DNAJC19: variants seen among roughly 807,000 people sequenced by gnomAD.
DNAJC19 encodes the protein DnaJ heat shock protein family (Hsp40) member C19, also known as mitochondrial import inner membrane translocase subunit TIM14.
Under a neutral mutation model 19.8 loss-of-function variants are expected in DNAJC19, and 15 were observed. The observed-to-expected ratio is 0.76, with a 90% CI of 0.51 to 1.17. DNAJC19 has a LOEUF of 1.17. Ranked by LOEUF, DNAJC19 falls within the 50% of genes most tolerant of loss-of-function variation. The pLI is 0.00. For missense variants in DNAJC19, 105 were observed against 140.9 expected (o/e 0.75, Z 1.29); for synonymous variants, 38 against 42.1 (o/e 0.90, Z 0.38).
rs781284254 is a variant in DNAJC19 at position 180,987,010 on chromosome 3, C to T, written c.142G>A (p.Gly48Ser). The T allele has an allele frequency of 2.5e-6, 4 of 1,613,790 alleles. No homozygotes were observed. Among genetic ancestry groups the T allele is most frequent in the South Asian group, 1.1e-5 (1 of 91,072 alleles). The change falls in exon 4 of 6, where the codon GGC becomes AGC. Residue 48 changes from glycine (G) to serine (S), a missense_variant. Physicochemically the swap from Gly to Ser is moderately conservative, Grantham distance 56. Transcript: ENST00000382564. ...QSLPKSAFSG[G>S]YYRGGFEPKM... ...GGTTCAAACCCACCTCTATAATAGCCACCACTGAAGGCCTGAAAGAAGAAA... is the reference window on the plus strand; with the variant it reads ...GGTTCAAACCCACCTCTATAATAGCTACCACTGAAGGCCTGAAAGAAGAAA...
In DNAJC19 at chr3:180,985,932, C is replaced by G. The variant is rs1159800279; in HGVS notation, c.274G>C (p.Asp92His). ...GAATTTAATGACTACTTACCTTTGT[C>G]AGGATGATTTAAAAGCATAATTCGT... ...HRRIMLLNHP[D>H]KGGSPYIAAK... is the part of the protein sequence containing the mutation. Residue 92 changes from aspartate (D) to histidine (H), a missense_variant, in exon 5 of 6, where the codon GAC (aspartate) becomes CAC (histidine). Coordinates refer to ENST00000382564, the MANE Select transcript of DNAJC19 (RefSeq NM_145261.4). The G allele has an allele frequency of 6.2e-7, 1 of 1,613,176 alleles. No homozygotes were observed. Among genetic ancestry groups the G allele is most frequent in the Non-Finnish European group, 8.5e-7 (1 of 1,179,550 alleles).
intron 4 of DNAJC19, among the ~76,000 whole-genome samples, 182 bp from the exon 5 acceptor site, chr3:180,986,178 G>C (rs1714896107): frequency 6.6e-6 from 1 of 152,030 alleles, no homozygotes; most frequent in South Asian, 2.1e-4. Flanking sequence ...ACTTAGAAAA[G>C]TAAGGCACTC....
At position 180,988,517 on chromosome 3, in the gene DNAJC19, T is replaced by C. The variant is rs560529710; in HGVS notation, c.4-288A>G. On this transcript the variant is annotated intron_variant, in intron 1 of 5. Transcript: ENST00000382564. ...AGAAACAACTTTTAAGGCGGAAATA[T>C]TCTGTCCAGTAATCTTTAAAACTAC... is the stretch of plus-strand genomic sequence containing the variant. 9.6e-4 allele frequency among the ~76,000 whole-genome samples: 146 copies of C among 152,174 alleles called. 1 individual carries two copies. The highest frequency in any genetic ancestry group is 1.0e-3 in the South Asian group (5 of 4,820).
chr3:180,985,812 G>T, intron 5 of DNAJC19, 114 bp downstream of exon 5: 1 of 891,328 alleles, frequency 1.1e-6, no homozygotes, highest in Non-Finnish European at 1.8e-6. Context: ...TAGGAGACAG[G>T]ACTTACAGAT....
rs1035336239 is a variant in DNAJC19 at position 180,984,057 on chromosome 3, T to G, written c.*583A>C. ...CTCTGAAATCTTTATCATACTATTT[T>G]TAATGCATGAAATAAAAATGGTTTA... On this transcript the variant is annotated 3_prime_UTR_variant, in exon 6 of 6. Transcript: ENST00000382564. 4 of 453,910 alleles carry G rather than the reference T, an allele frequency of 8.8e-6. No homozygotes were observed. Among genetic ancestry groups the G allele is most frequent in the African/African-American group, 8.0e-5 (4 of 49,970 alleles). The allele number at this position is 453,910 out of a possible 1,614,324, so 28.1% of individuals were successfully genotyped here.
intron 1 of DNAJC19, 113 bp from the exon 2 acceptor site, chr3:180,988,342 CTTTTTTTTTTCTTTTTTTT>C: frequency 1.1e-6 from 1 of 900,210 alleles, no homozygotes. Context: ...GGAGAAACAA[CTTTTTTTTTTCTTTTTTTT>C]TTTTTTTTTT....
In DNAJC19 at chr3:180,988,105, A is replaced by G; in HGVS notation, c.56-9T>C. 6.2e-7 allele frequency: 1 copy of G among 1,614,194 alleles called. No homozygotes were observed. ...TTGCAAAACGTAACGGCCTAAAACC[A>G]AAAGCAACAGAATAAGTAAACTAAA... On this transcript the variant is annotated splice_polypyrimidine_tract_variant and intron_variant, in intron 2 of 5. Coordinates refer to ENST00000382564, the MANE Select transcript of DNAJC19 (RefSeq NM_145261.4).
At position 180,989,654 on chromosome 3, in the gene DNAJC19, C is replaced by T. The variant is rs933615918; in HGVS notation, c.-52G>A. The T allele has an allele frequency of 6.4e-7, 1 of 1,573,300 alleles. No individual in the cohort carries two copies. Among genetic ancestry groups the T allele is most frequent in the African/African-American group, 1.3e-5 (1 of 74,172 alleles). On this transcript the variant is annotated 5_prime_UTR_variant, in exon 1 of 6. Coordinates refer to ENST00000382564, the MANE Select transcript of DNAJC19 (RefSeq NM_145261.4). ...ACCGGGAGCACGGCTCATCCCAGCT[C>T]AGAGGCCGCGGCCAACACCTGCACG...
chr3:180,988,970 T>C (rs1715072394), intron 1 of DNAJC19, among the ~76,000 whole-genome samples: 1 of 148,666 alleles, frequency 6.7e-6, no homozygotes, highest in South Asian at 2.1e-4. Flanking sequence ...ATTGTGCCAC[T>C]GCACTCCAGC....
At chr3:180,987,117 A>G (rs1422525110) in intron 3 of DNAJC19, 95 bp from the exon 4 acceptor site, 3 of 1,120,942 alleles carry the variant, frequency 2.7e-6, no homozygotes, top group East Asian at 4.8e-5. Context: ...AGAAAAACTA[A>G]GACATTTCAG....
intron 1 of DNAJC19, chr3:180,989,398 A>T: frequency 7.0e-7 from 1 of 1,438,506 alleles, no homozygotes; most frequent in Non-Finnish European, 9.1e-7. Context: ...AGAACCGTGC[A>T]GAAAGACGAT....
Position 180,988,181 on chromosome 3 carries a change from C to A in DNAJC19, c.52G>T (p.Ala18Ser). ...CATCCCCAAACCATAAACAAACCTG[C>A]AAATCCTGCAGCAGCAATGGTCAGT... ...VGLTIAAAGF[A>S]GRYVLQAMKH... The change falls in exon 2 of 6, where the codon GCA becomes TCA. Residue 18 changes from alanine (A) to serine (S), a missense_variant. Transcript: ENST00000382564. 3 of 1,614,144 alleles carry A rather than the reference C, an allele frequency of 1.9e-6. No homozygotes were observed. The highest frequency in any genetic ancestry group is 2.5e-6 in the Non-Finnish European group (3 of 1,180,020).
At chr3:180,989,445 G>A in intron 1 of DNAJC19, 155 bp downstream of exon 1, 1 of 1,495,322 alleles carries the variant, frequency 6.7e-7, no homozygotes, top group Admixed American at 2.2e-5. Context: ...GAGCCAACAG[G>A]GTTGTGTCCT....
At chr3:180,989,742 G>C (rs1035066961), upstream of DNAJC19, 3 of 1,406,910 alleles carry the variant, frequency 2.1e-6, no homozygotes, top group East Asian at 2.5e-5. Flanking sequence ...AACACGGCAG[G>C]AGCAGCCGCA....
rs1320874867 is a variant in DNAJC19 at position 180,986,934 on chromosome 3, T to C, written c.209+9A>G. The C allele has an allele frequency of 6.2e-7, 1 of 1,609,456 alleles. No homozygotes were observed. Among genetic ancestry groups the C allele is most frequent in the Non-Finnish European group, 8.5e-7 (1 of 1,175,982 alleles). On this transcript the variant is annotated intron_variant, in intron 4 of 5. Transcript: ENST00000382564. ...AGAAAAATGCTAAAAATATTAGAGA[T>C]TATTTTACCTTACACCTAGTATTAA...
At position 180,983,855 on chromosome 3, in the gene DNAJC19, C is replaced by G. The variant is rs1451422606; in HGVS notation, c.*785G>C. 1 of 453,758 alleles carries G rather than the reference C, an allele frequency of 2.2e-6. No homozygotes were observed. The highest frequency in any genetic ancestry group is 2.0e-5 in the African/African-American group (1 of 49,930). 28.1% of individuals were successfully genotyped at this position (453,758 alleles called of 1,614,324 possible). On this transcript the variant is annotated 3_prime_UTR_variant, in exon 6 of 6. Coordinates refer to ENST00000382564, the MANE Select transcript of DNAJC19 (RefSeq NM_145261.4). ...AACAATTGCAGAAGTTTGATTATGT[C>G]AAGAAATAGCCAACTGAAGGAATAA...
intron 4 of DNAJC19, among the ~76,000 whole-genome samples, chr3:180,986,247 G>A (rs570133651): frequency 2.6e-5 from 4 of 151,296 alleles, no homozygotes; most frequent in African/African-American, 4.8e-5. Flanking sequence ...GATAAGAAAC[G>A]CATGTTTAAG....
Position 180,984,023 on chromosome 3 carries a change from A to T in DNAJC19, c.*617T>A. On this transcript the variant is annotated 3_prime_UTR_variant, in exon 6 of 6. Coordinates refer to ENST00000382564, the MANE Select transcript of DNAJC19 (RefSeq NM_145261.4). ...GGCTGCAATGAACTGTGATTGTACC[A>T]GACCTGTACTCTGAAATCTTTATCA... 2.2e-6 allele frequency: 1 copy of T among 454,064 alleles called. No homozygotes were observed. Among genetic ancestry groups the T allele is most frequent in the Non-Finnish European group, 4.4e-6 (1 of 226,754 alleles). The allele number at this position is 454,064 out of a possible 1,614,324, so 28.1% of individuals were successfully genotyped here.
rs1714859607 is a variant in DNAJC19, at chr3:180,985,587, T to G, written c.280+339A>C. The G allele has an allele frequency of 1.5e-5, 4 of 265,630 alleles. No individual in the cohort carries two copies. In the South Asian group the frequency reaches 1.9e-4, roughly 13 times the overall value. The allele number at this position is 265,630 out of a possible 1,614,324, so 16.5% of individuals were successfully genotyped here. A position where few individuals can be genotyped will look rare whatever the true frequency, so the allele number is the denominator to read the frequency against. ...ATCACAAACGAATAAATAAATCCCA[T>G]AAGTTTCTATCTAGGTAATCTCCGT... On this transcript the variant is annotated intron_variant, in intron 5 of 5. Transcript: ENST00000382564.
Sources: allele counts gnomAD v4.1 joint callset (sites outside exome capture counted in the v4.1 genomes callset), GRCh38; gene constraint gnomAD v4.1.1; transcripts MANE v1.5; gene names NCBI Gene and HGNC (gene_info 2026-07-23, HGNC 2026-07-21).